RALA: variants seen among roughly 807,000 people sequenced by gnomAD.
The protein encoded by RALA is ras-related protein Ral-A.
A neutral mutation model predicts 24.0 loss-of-function variants in RALA; 5 were observed. The ratio of observed to expected loss-of-function variants is 0.21; its 90% confidence interval spans 0.11 to 0.44. The LOEUF (loss-of-function observed/expected upper bound fraction) is 0.44, where lower values mean the gene tolerates loss of function less well. Among genes scored for constraint, RALA ranks in the 20% least tolerant of loss-of-function variants. RALA has a pLI of 0.99. For synonymous variants in RALA, 77 were observed against 83.8 expected, an observed-to-expected ratio of 0.92 and a Z score of 0.44; for missense variants, 95 against 241.2, an observed-to-expected ratio of 0.39 and a Z score of 4.01.
chr7:39,661,575 T>C (rs775381373), intron 1 of RALA, among the ~76,000 whole-genome samples: 3 of 152,180 alleles, frequency 2.0e-5, no homozygotes, highest in Non-Finnish European at 4.4e-5. Context: ...TCCAAAATGA[T>C]CTCCTTTGAC....
Position 39,707,045 on chromosome 7 carries a change from A to G in RALA, c.*800A>G, listed in dbSNP as rs879511861. On this transcript the variant is annotated 3_prime_UTR_variant, in exon 5 of 5. Coordinates refer to ENST00000005257, the MANE Select transcript of RALA (RefSeq NM_005402.4). ...CCATATTCTGGTTCTTGAAAATAAG[A>G]TTCCAGAGCTCTTTGATCGCTTTTA... The G allele has an allele frequency of 3.3e-5, 5 of 152,644 alleles. No individual in the cohort carries two copies. Among genetic ancestry groups the G allele is most frequent in the Non-Finnish European group, 5.9e-5 (4 of 68,036 alleles). 9.5% of individuals were successfully genotyped at this position (152,644 alleles called of 1,614,324 possible).
chr7:39,688,407 A>G (rs999248889), intron 2 of RALA, among the ~76,000 whole-genome samples: 20 of 152,158 alleles, frequency 1.3e-4, no homozygotes, highest in African/African-American at 4.8e-4. Flanking sequence ...AAAAAAAAAA[A>G]AAGTTTGTGG....
rs186563638 is a variant in RALA at position 39,627,538 on chromosome 7, A to G, written c.-38+3713A>G. Reference sequence around the variant, plus strand: ...GGGTTTGGTAATGTTATTTTGGACAATAAGACATAGTTAGATTATAAAATG... The same window carrying G: ...GGGTTTGGTAATGTTATTTTGGACAGTAAGACATAGTTAGATTATAAAATG... On this transcript the variant is annotated intron_variant, in intron 1 of 4. Transcript: ENST00000005257. Among the ~76,000 whole-genome samples, 4 of 152,338 alleles carry G rather than the reference A, an allele frequency of 2.6e-5. No individual in the cohort carries two copies. The East Asian group carries it at 5.8e-4, about 22-fold the overall frequency.
intron 1 of RALA, among the ~76,000 whole-genome samples, chr7:39,667,738 G>A (rs549178012): frequency 6.6e-6 from 1 of 152,278 alleles, no homozygotes; most frequent in South Asian, 2.1e-4. Flanking sequence ...AATCTATTTC[G>A]AAAAACATTT....
intron 1 of RALA, among the ~76,000 whole-genome samples, chr7:39,674,154 A>C (rs1449903433): frequency 6.6e-6 from 1 of 152,018 alleles, no homozygotes; most frequent in East Asian, 1.9e-4. Context: ...ATCATATCTC[A>C]CTGTAACCTC....
chr7:39,673,374 A>C (rs2116030133), intron 1 of RALA, among the ~76,000 whole-genome samples: 1 of 152,268 alleles, frequency 6.6e-6, no homozygotes, highest in African/African-American at 2.4e-5. Context: ...CTTTACCAAA[A>C]TACACTCTTT....
intron 1 of RALA, among the ~76,000 whole-genome samples, chr7:39,624,772 A>G (rs1791451988): frequency 6.6e-6 from 1 of 151,924 alleles, no homozygotes; most frequent in South Asian, 2.1e-4. Flanking sequence ...GTGGGGGGGG[A>G]ACAACCTTTA....
At chr7:39,657,197 C>T (rs970943487) in intron 1 of RALA, among the ~76,000 whole-genome samples, 1 of 152,094 alleles carries the variant, frequency 6.6e-6, no homozygotes, top group Non-Finnish European at 1.5e-5. Flanking sequence ...AACTGCTGAC[C>T]TCAGGTGATC....
intron 1 of RALA, among the ~76,000 whole-genome samples, chr7:39,654,488 C>A (rs1203159020): frequency 6.6e-6 from 1 of 152,150 alleles, no homozygotes; most frequent in African/African-American, 2.4e-5. Flanking sequence ...AATTATCTCC[C>A]AGTCTGTGAC....
At chr7:39,674,386 A>T (rs1218025130) in intron 1 of RALA, among the ~76,000 whole-genome samples, 1 of 152,232 alleles carries the variant, frequency 6.6e-6, no homozygotes, top group African/African-American at 2.4e-5. Context: ...AATATCAGAA[A>T]TTATGACTTA....
At chr7:39,673,765 A>G (rs1280295470) in intron 1 of RALA, among the ~76,000 whole-genome samples, 3 of 152,124 alleles carry the variant, frequency 2.0e-5, no homozygotes, top group African/African-American at 7.2e-5. Flanking sequence ...GAGTGATGCT[A>G]GCAGCCACCC....
chr7:39,657,648 A>C (rs1038333698), intron 1 of RALA, among the ~76,000 whole-genome samples: 2 of 152,130 alleles, frequency 1.3e-5, no homozygotes, highest in African/African-American at 4.8e-5. Context: ...GCAGCCAGAC[A>C]TGGTGGCTGA....
At chr7:39,702,655 A>G (rs1198125594) in intron 4 of RALA, among the ~76,000 whole-genome samples, 2 of 152,256 alleles carry the variant, frequency 1.3e-5, no homozygotes, top group Admixed American at 6.5e-5. Context: ...TGTGATAGAT[A>G]TACACTATAG....
intron 1 of RALA, among the ~76,000 whole-genome samples, chr7:39,645,692 T>A (rs74408645): frequency 0.039 from 5,890 of 152,238 alleles, 143 homozygotes; most frequent in Middle Eastern, 0.068. Flanking sequence ...ACTAGGCAAA[T>A]AATAGGCACT....
chr7:39,631,015 T>G (rs1444194370), intron 1 of RALA, among the ~76,000 whole-genome samples: 1 of 151,506 alleles, frequency 6.6e-6, no homozygotes, highest in Non-Finnish European at 1.5e-5. Context: ...GTTTTTGTTT[T>G]TTTTTTTTTT....
intron 1 of RALA, among the ~76,000 whole-genome samples, chr7:39,653,564 A>T (rs1313764598): frequency 6.6e-6 from 1 of 152,112 alleles, no homozygotes; most frequent in Non-Finnish European, 1.5e-5. Flanking sequence ...CTGAGCTCCT[A>T]TAATCCTCCT....
At chr7:39,664,004 G>A (rs1390639428) in intron 1 of RALA, among the ~76,000 whole-genome samples, 2 of 152,200 alleles carry the variant, frequency 1.3e-5, no homozygotes, top group Non-Finnish European at 2.9e-5. Context: ...CAACCAAGAG[G>A]CAGCAGGTGA....
At chr7:39,696,401 A>T (rs1283860854) in intron 3 of RALA, among the ~76,000 whole-genome samples, 2 of 152,216 alleles carry the variant, frequency 1.3e-5, no homozygotes, top group East Asian at 3.8e-4. Flanking sequence ...TCTGAGAATT[A>T]CCATGGCCAA....
rs572068652 is a variant in RALA, at chr7:39,633,577, G to T, written c.-38+9752G>T. 7.2e-5 allele frequency among the ~76,000 whole-genome samples: 11 copies of T among 152,298 alleles called. No homozygotes were observed. In the East Asian group the frequency reaches 1.9e-3, roughly 27 times the overall value. ...CCTAGTCCCTCCCTCAACAAGTGGG[G>T]TTATGGCGATTATAATTCAAGATGA... On this transcript the variant is annotated intron_variant, in intron 1 of 4. Coordinates refer to ENST00000005257, the MANE Select transcript of RALA (RefSeq NM_005402.4).
Sources: allele counts gnomAD v4.1 joint callset (sites outside exome capture counted in the v4.1 genomes callset), GRCh38; gene constraint gnomAD v4.1.1; transcripts MANE v1.5; gene names NCBI Gene and HGNC (gene_info 2026-07-23, HGNC 2026-07-21).